The following DICER1 variants were observed in gnomAD, a reference collection of about 807,000 sequenced individuals.
The protein encoded by DICER1 is endoribonuclease Dicer.
A neutral mutation model predicts 194.1 loss-of-function variants in DICER1; 43 were observed. The ratio of observed to expected loss-of-function variants is 0.22; its 90% CI spans 0.17 to 0.29. The LOEUF is 0.29. Ranked by LOEUF, DICER1 falls within the 10% of genes least tolerant of loss-of-function variation. The pLI is 1.00. For synonymous variants in DICER1, 832 were observed against 820.5 expected, an observed-to-expected ratio of 1.01 and a Z score of -0.24; for missense variants, 1,608 against 2,317.0, an observed-to-expected ratio of 0.69 and a Z score of 6.28.
At position 95,096,724 on chromosome 14, in the gene DICER1, G is replaced by A. The variant is rs961057922; in HGVS notation, c.4207-11C>T. 1.9e-6 allele frequency: 3 copies of A among 1,590,510 alleles called. No homozygotes were observed. Among genetic ancestry groups the A allele is most frequent in the Non-Finnish European group, 2.6e-6 (3 of 1,167,710 alleles). On this transcript the variant is annotated splice_polypyrimidine_tract_variant and intron_variant, in intron 22 of 26. Transcript: ENST00000343455. Reference sequence around the variant, plus strand: ...CATGCAGTCTTTTGTCTGAAACGAGGGGGAATGGGGAAGGAGGGGAAACAT... The same window carrying A: ...CATGCAGTCTTTTGTCTGAAACGAGAGGGAATGGGGAAGGAGGGGAAACAT...
chr14:95,105,556 G>A lies in DICER1; in HGVS notation c.3093+122C>T. 1.2e-6 allele frequency: 1 copy of A among 824,984 alleles called. No individual in the cohort carries two copies. Among genetic ancestry groups the A allele is most frequent in the East Asian group, 2.7e-5 (1 of 37,480 alleles). 51.1% of individuals were successfully genotyped at this position (824,984 alleles called of 1,614,324 possible). A position where few individuals can be genotyped will look rare whatever the true frequency, so the allele number is the denominator to read the frequency against. ...AAACAAAACAAAATTTGAGGATTAG[G>A]TAACTTCTAAAAAATTAACGAATCA... is the stretch of plus-strand genomic sequence containing the variant. On this transcript the variant is annotated intron_variant, in intron 19 of 26. Coordinates refer to ENST00000343455, the MANE Select transcript of DICER1 (RefSeq NM_177438.3). This position sits in a 1 kb window ranked among gnomAD's most constrained non-coding sequence, Gnocchi z 4.9.
In DICER1 at chr14:95,126,723, C is replaced by T. The variant is rs1595448254; in HGVS notation, c.760G>A (p.Val254Met). Residue 254 changes from valine (V) to methionine (M), a missense_variant, in exon 7 of 27, where the codon GTG (valine) becomes ATG (methionine). Coordinates refer to ENST00000343455, the MANE Select transcript of DICER1 (RefSeq NM_177438.3). ...DRYTSQPCEI[V>M]VDCGPFTDRS... ...TCAGTAAATGGTCCACAATCCACCA[C>T]AATCTCACATGGCTGAGAAGTATAC... 8.1e-6 allele frequency: 13 copies of T among 1,609,178 alleles called. No individual in the cohort carries two copies. The highest frequency in any genetic ancestry group is 1.1e-5 in the Non-Finnish European group (13 of 1,177,000).
chr14:95,141,296 TAAATA>T (rs1894812402), intron 1 of DICER1: 1 of 152,192 alleles, frequency 6.6e-6, no homozygotes, highest in Non-Finnish European at 1.5e-5. Context: ...AATTAGTTTA[TAAATA>T]AAATAATTCA....
At position 95,089,393 on chromosome 14, in the gene DICER1, G is replaced by A. The variant is rs1177178891; in HGVS notation, c.*1105C>T. The A allele has an allele frequency of 3.4e-5, 8 of 232,818 alleles. No homozygotes were observed. Among genetic ancestry groups the A allele is most frequent in the Non-Finnish European group, 5.1e-5 (6 of 117,892 alleles). The allele number at this position is 232,818 out of a possible 1,614,324, so 14.4% of individuals were successfully genotyped here. On this transcript the variant is annotated 3_prime_UTR_variant, in exon 27 of 27. Transcript: ENST00000343455. ...AAAGTATAGTAAGAAATTTATGTGA[G>A]GAGACTAAGGGTAAAGGTGCTGTGT... is the stretch of plus-strand genomic sequence containing the variant.
chr14:95,138,304 G>T (rs760471654), intron 1 of DICER1, among the ~76,000 whole-genome samples: 2 of 145,530 alleles, frequency 1.4e-5, no homozygotes, highest in Non-Finnish European at 3.0e-5. Flanking sequence ...TGGTTTCTAA[G>T]AATCAATCTG....
intron 1 of DICER1, among the ~76,000 whole-genome samples, chr14:95,139,529 T>C (rs988114407): frequency 7.2e-5 from 11 of 152,236 alleles, no homozygotes; most frequent in African/African-American, 2.4e-4. Flanking sequence ...ACAACATACA[T>C]GTTATTCTTT....
At chr14:95,123,747 T>C (rs1011970879) in intron 8 of DICER1, among the ~76,000 whole-genome samples, 3 of 152,082 alleles carry the variant, frequency 2.0e-5, no homozygotes, top group Non-Finnish European at 4.4e-5. Context: ...GAGAAAAAAA[T>C]CAACATTAAA....
intron 22 of DICER1, among the ~76,000 whole-genome samples, chr14:95,097,021 A>C (rs1222882008): frequency 3.3e-5 from 5 of 152,220 alleles, no homozygotes; most frequent in African/African-American, 4.8e-5. Context: ...CCACAATGCA[A>C]AACTTCAACT....
intron 14 of DICER1, among the ~76,000 whole-genome samples, chr14:95,109,566 C>T (rs770035477): frequency 4.6e-5 from 7 of 152,168 alleles, no homozygotes; most frequent in Admixed American, 2.6e-4. Context: ...TTATCATTAA[C>T]GACTTTATCA....
At chr14:95,153,295 G>A (rs1298821341) in intron 1 of DICER1, among the ~76,000 whole-genome samples, 1 of 151,950 alleles carries the variant, frequency 6.6e-6, no homozygotes, top group South Asian at 2.1e-4. Flanking sequence ...GCTTATTCCT[G>A]AATGGATTGT....
At chr14:95,113,010 A>C in intron 12 of DICER1, 82 bp downstream of exon 12, 1 of 1,424,490 alleles carries the variant, frequency 7.0e-7, no homozygotes. Flanking sequence ...TTTACCTATA[A>C]CTTGCAAGTC....
rs1263120576 is a variant in DICER1, at chr14:95,086,604, A to G, written c.*3894T>C. The G allele has an allele frequency of 8.6e-6, 2 of 233,254 alleles. No homozygotes were observed. Among genetic ancestry groups the G allele is most frequent in the Non-Finnish European group, 1.7e-5 (2 of 117,892 alleles). 14.4% of individuals were successfully genotyped at this position (233,254 alleles called of 1,614,324 possible). A position where few individuals can be genotyped will look rare whatever the true frequency, so the allele number is the denominator to read the frequency against. Reference sequence around the variant, plus strand: ...ATGTCCAAATAAAAATGGACTAGAAAAAAAGAAGTAATGATTAAAATATAT... The same window carrying G: ...ATGTCCAAATAAAAATGGACTAGAAGAAAAGAAGTAATGATTAAAATATAT... On this transcript the variant is annotated 3_prime_UTR_variant, in exon 27 of 27. Transcript: ENST00000343455.
At chr14:95,107,855 T>C (rs1289638906) in intron 16 of DICER1, 25 bp downstream of exon 16, 6 of 1,610,090 alleles carry the variant, frequency 3.7e-6, no homozygotes, top group Non-Finnish European at 5.1e-6. Flanking sequence ...TCTAGAGTTA[T>C]CAAAGTAAGA....
rs1892612858 is a variant in DICER1 at position 95,117,769 on chromosome 14, C to T, written c.1377-15G>A. On this transcript the variant is annotated splice_polypyrimidine_tract_variant and intron_variant, in intron 8 of 26. Coordinates refer to ENST00000343455, the MANE Select transcript of DICER1 (RefSeq NM_177438.3). ...CCTTTATCAATCTAAGAAAATTATACACATTTGGAAGTTAAACGTTGCTGA... is the reference window on the plus strand; with the variant it reads ...CCTTTATCAATCTAAGAAAATTATATACATTTGGAAGTTAAACGTTGCTGA... 1 of 1,613,358 alleles carries T rather than the reference C, an allele frequency of 6.2e-7. No individual in the cohort carries two copies. The highest frequency in any genetic ancestry group is 1.1e-5 in the South Asian group (1 of 91,010).
chr14:95,094,947 G>A (rs753388957), intron 23 of DICER1, among the ~76,000 whole-genome samples: 4 of 152,136 alleles, frequency 2.6e-5, no homozygotes, highest in African/African-American at 4.8e-5. Context: ...CCCAGGTCTC[G>A]GAACTTCCAG....
intron 6 of DICER1, among the ~76,000 whole-genome samples, chr14:95,127,602 G>A (rs1386819048): frequency 6.6e-6 from 1 of 152,092 alleles, no homozygotes; most frequent in African/African-American, 2.4e-5. Flanking sequence ...GTCGCATTTT[G>A]GCTTCAGTTC....
At position 95,096,245 on chromosome 14, in the gene DICER1, T is replaced by C. The variant is rs377409989; in HGVS notation, c.4675A>G (p.Ile1559Val). 2 of 1,614,126 alleles carry C rather than the reference T, an allele frequency of 1.2e-6. No individual in the cohort carries two copies. Among genetic ancestry groups the C allele is most frequent in the African/African-American group, 2.7e-5 (2 of 74,940 alleles). Residue 1559 changes from isoleucine (I) to valine (V), a missense_variant, in exon 23 of 27, where the codon ATA (isoleucine) becomes GTA (valine). This residue lies in a region of DICER1 where 13 missense variants were observed against 35.7 expected (regional missense o/e 0.36). Transcript: ENST00000343455. ...AGCAGGGCTTCCACACAGTCCGCTA[T>C]GCTTTTGTCAGCAATACACTGCTCA... The part of the protein sequence containing the change: ...HTEQCIADKS[I>V]ADCVEALLGC...
chr14:95,107,389 T>C (rs1891522407), intron 17 of DICER1, among the ~76,000 whole-genome samples: 1 of 152,076 alleles, frequency 6.6e-6, no homozygotes, highest in Admixed American at 6.5e-5. Context: ...TAACTGGGAC[T>C]ACAGGCGTGC....
rs2139849656 is a variant in DICER1, at chr14:95,096,443, G to A, written c.4477C>T (p.Pro1493Ser). 6.2e-7 allele frequency: 1 copy of A among 1,614,158 alleles called. No homozygotes were observed. Among genetic ancestry groups the A allele is most frequent in the Non-Finnish European group, 8.5e-7 (1 of 1,180,030 alleles). ...AAATCCTCAAAATCTGATGAAAATG[G>A]CATACTACCTAAGGAGGATTTTTTG... ...MPKKSSLGSM[P>S]FSSDFEDFDY... The change falls in exon 23 of 27, where the codon CCA becomes TCA. Residue 1493 changes from proline (P) to serine (S), a missense_variant. This residue lies in a region of DICER1 where 164 missense variants were observed against 183.7 expected (regional missense o/e 0.89). Transcript: ENST00000343455.
Sources: gnomAD v4.1 joint callset for allele counts (sites outside exome capture counted in the v4.1 genomes callset) on GRCh38, gnomAD v4.1.1 for gene constraint, gnomAD v4.1.1 regional missense constraint, Gnocchi (gnomAD v3.1) non-coding constraint, MANE v1.5 for transcripts, NCBI Gene and HGNC (gene_info 2026-07-23, HGNC 2026-07-21) for gene names.